The following FARP2 variants were observed in gnomAD, a reference collection of about 807,000 sequenced individuals.
FARP2 encodes the protein FERM, ARH/RhoGEF and pleckstrin domain protein 2.
Under a neutral mutation model 130.5 loss-of-function variants are expected in FARP2, and 111 were observed. The observed-to-expected ratio is 0.85, with a 90% CI of 0.73 to 1.00. The LOEUF (loss-of-function observed/expected upper bound fraction) is 1.00. FARP2 is among the 50% of genes least tolerant of loss of function. The pLI, the probability that FARP2 is intolerant of heterozygous loss-of-function variation, is 0.00. For missense variants in FARP2, 1,385 were observed against 1,346.3 expected, an observed-to-expected ratio of 1.03 and a Z score of -0.45; for synonymous variants, 504 against 516.9, an observed-to-expected ratio of 0.98 and a Z score of 0.34.
At chr2:241,487,881 G>A (rs557619421) in intron 21 of FARP2, among the ~76,000 whole-genome samples, 1 of 149,024 alleles carries the variant, frequency 6.7e-6, no homozygotes, top group African/African-American at 2.5e-5. Context: ...CTGAGTAGCT[G>A]GGACTACAGG....
rs149811606 is a variant in FARP2 at position 241,373,159 on chromosome 2, T to C, written c.52T>C (p.Leu18=). 6.4e-7 allele frequency: 1 copy of C among 1,552,296 alleles called. No homozygotes were observed. The highest frequency in any genetic ancestry group is 8.8e-7 in the Non-Finnish European group (1 of 1,141,124). ...YRVLQTAGMR[L]GAQTPVGVST... is the part of the protein sequence containing the mutation. ...AGTCCTGCAGACTGCAGGGATGCGC[T>C]TGGGTGCCCAGACCCCTGTGGGAGT... The change falls in exon 2 of 27, where the codon TTG becomes CTG. Residue 18 remains leucine, a synonymous_variant. Transcript: ENST00000264042.
chr2:241,441,943 C>T (rs1015360754), intron 13 of FARP2: 1 of 367,394 alleles, frequency 2.7e-6, no homozygotes, highest in African/African-American at 2.1e-5. Context: ...TTTGTGTGAG[C>T]TTCCAGGGTC....
Position 241,494,068 on chromosome 2 carries a change from G to T in FARP2, c.3108G>T (p.Gln1036His). 1 of 1,442,612 alleles carries T rather than the reference G, an allele frequency of 6.9e-7. No homozygotes were observed. The highest frequency in any genetic ancestry group is 9.1e-7 in the Non-Finnish European group (1 of 1,100,424). The allele number at this position is 1,442,612 out of a possible 1,614,324, so 89.4% of individuals were successfully genotyped here. A position where few individuals can be genotyped will look rare whatever the true frequency, so the allele number is the denominator to read the frequency against. ...SSAGRAPSIV[Q>H]DGPQPSSGLE... is the part of the protein sequence containing the mutation. ...CCGGGAGGGCCCCAAGCATCGTGCA[G>T]GATGGCCCCCAACCCTCCTCAGGGC... The change falls in exon 27 of 27, where the codon CAG (glutamine) becomes CAT (histidine). Residue 1036 changes from glutamine to histidine, a missense_variant. Gln to His is a conservative substitution (Grantham distance 24, BLOSUM62 0). Coordinates refer to ENST00000264042, the MANE Select transcript of FARP2 (RefSeq NM_014808.4). The surrounding 1 kb of genome is among the most constrained non-coding windows in gnomAD (Gnocchi z 4.9).
chr2:241,469,490 G>C (rs1215557005), intron 18 of FARP2, among the ~76,000 whole-genome samples: 1 of 152,166 alleles, frequency 6.6e-6, no homozygotes, highest in East Asian at 1.9e-4. Context: ...AAATAAGGAT[G>C]CTTTCTGATT....
intron 19 of FARP2, chr2:241,478,349 A>G: frequency 5.4e-6 from 1 of 185,888 alleles, no homozygotes; most frequent in South Asian, 1.1e-4. Context: ...GGGCAGCCTT[A>G]GGGCAGGGCT....
At chr2:241,428,783 T>G (rs370389003) in intron 8 of FARP2, among the ~76,000 whole-genome samples, 20 of 152,288 alleles carry the variant, frequency 1.3e-4, no homozygotes, top group African/African-American at 4.8e-4. Context: ...ACCCTCATAC[T>G]CTTTAGCAGT....
intron 8 of FARP2, among the ~76,000 whole-genome samples, chr2:241,423,940 GC>G (rs762453470): frequency 2.3e-4 from 35 of 152,096 alleles, no homozygotes; most frequent in Non-Finnish European, 3.7e-4. Context: ...CAATACAGGA[GC>G]CCCCAGATTC....
chr2:241,402,861 TATATATATATATATATATA>T (rs1176473754), intron 2 of FARP2, among the ~76,000 whole-genome samples: 60 of 15,514 alleles, frequency 3.9e-3, no homozygotes, highest in East Asian at 5.6e-3. Context: ...TATATATATA[TATATATATATATATATATA>T]TTTTTTTTTT....
intron 7 of FARP2, among the ~76,000 whole-genome samples, chr2:241,417,716 A>G (rs2062711724): frequency 6.6e-6 from 1 of 152,220 alleles, no homozygotes; most frequent in Admixed American, 6.5e-5. Context: ...CTGAGTAGCT[A>G]GTGTATGCAA....
chr2:241,472,301 A>G (rs950497918), intron 18 of FARP2, among the ~76,000 whole-genome samples: 1 of 145,744 alleles, frequency 6.9e-6, no homozygotes, highest in African/African-American at 2.6e-5. Flanking sequence ...GTTATGAAGG[A>G]ATCCTGCTTG....
At chr2:241,463,590 T>C in intron 16 of FARP2, 122 bp downstream of exon 16, 1 of 1,151,654 alleles carries the variant, frequency 8.7e-7, no homozygotes, top group East Asian at 2.4e-5. Flanking sequence ...AGCATATTTT[T>C]AGGAGCCTGT....
chr2:241,411,651 A>G (rs2108330), intron 6 of FARP2, among the ~76,000 whole-genome samples: 118,232 of 152,142 alleles, frequency 0.78, 46,125 homozygotes, highest in Middle Eastern at 0.85. Context: ...AGGTTCTGGC[A>G]CCTTGCCGAG....
intron 2 of FARP2, among the ~76,000 whole-genome samples, chr2:241,403,214 T>C (rs945018420): frequency 1.3e-5 from 2 of 152,002 alleles, no homozygotes; most frequent in African/African-American, 4.8e-5. Context: ...TTAGTAAATA[T>C]TAAAATTACT....
chr2:241,414,397 G>C (rs897882048), intron 7 of FARP2, among the ~76,000 whole-genome samples: 1 of 152,166 alleles, frequency 6.6e-6, no homozygotes. Flanking sequence ...CCTTGCCTTT[G>C]TGACACATCC....
rs761634248 is a variant in FARP2 at position 241,373,266 on chromosome 2, C to T, written c.159C>T (p.Asn53=). ...ACCTCAGAGTAAAGCTGCTGGACAA[C>T]ACCATGGAAATATTTGACATTGAGG... The part of the protein sequence containing the change: ...HLHLRVKLLD[N]TMEIFDIEPK... Residue 53 remains asparagine, a synonymous_variant, in exon 2 of 27, where the codon AAC becomes AAT. Coordinates refer to ENST00000264042, the MANE Select transcript of FARP2 (RefSeq NM_014808.4). 10 of 1,496,550 alleles carry T rather than the reference C, an allele frequency of 6.7e-6. No individual in the cohort carries two copies. Among genetic ancestry groups the T allele is most frequent in the African/African-American group, 1.4e-5 (1 of 70,514 alleles). The allele number at this position is 1,496,550 out of a possible 1,614,324, so 92.7% of individuals were successfully genotyped here.
Position 241,418,039 on chromosome 2 carries a change from A to G in FARP2, c.701A>G (p.His234Arg). Residue 234 changes from histidine to arginine, a missense_variant, in exon 8 of 27, where the codon CAC (histidine) becomes CGC (arginine). Transcript: ENST00000264042. ...TTGGAAATGTACGGCATCAGATTTC[A>G]CATGGCTTCTGACAGGGAAGGAACC... ...RKLEMYGIRF[H>R]MASDREGTKI... The G allele has an allele frequency of 6.2e-7, 1 of 1,614,200 alleles. No homozygotes were observed. Among genetic ancestry groups the G allele is most frequent in the Non-Finnish European group, 8.5e-7 (1 of 1,180,040 alleles).
At position 241,492,906 on chromosome 2, in the gene FARP2, C is replaced by G. The variant is rs2124923939; in HGVS notation, c.2788-23C>G. 2.1e-6 allele frequency: 3 copies of G among 1,427,764 alleles called. No homozygotes were observed. In the East Asian group the frequency reaches 6.8e-5, roughly 32 times the overall value. The allele number at this position is 1,427,764 out of a possible 1,614,324, so 88.4% of individuals were successfully genotyped here. On this transcript the variant is annotated intron_variant, in intron 24 of 26. Transcript: ENST00000264042. ...GGGTCCTGGGTGCTGGTTAATGCAC[C>G]TGCATTTTTCCTTTATTGACAGAAC...
chr2:241,473,616 AC>A (rs2064373768), intron 18 of FARP2, among the ~76,000 whole-genome samples: 2 of 152,238 alleles, frequency 1.3e-5, no homozygotes, highest in South Asian at 2.1e-4. Context: ...AACTGTGTGG[AC>A]TCAGCATTTG....
At chr2:241,471,787 G>C (rs552992054) in intron 18 of FARP2, among the ~76,000 whole-genome samples, 1 of 152,010 alleles carries the variant, frequency 6.6e-6, no homozygotes, top group African/African-American at 2.4e-5. Context: ...GAGCCACCGC[G>C]CCCAGCCGGG....
Sources: gnomAD v4.1 joint callset for allele counts (sites outside exome capture counted in the v4.1 genomes callset) on GRCh38, gnomAD v4.1.1 for gene constraint, Gnocchi (gnomAD v3.1) non-coding constraint, MANE v1.5 for transcripts, NCBI Gene and HGNC (gene_info 2026-07-23, HGNC 2026-07-21) for gene names.